IDO2: variants seen among roughly 807,000 people sequenced by gnomAD.
The protein encoded by IDO2 is indoleamine 2,3-dioxygenase-like 1 protein.
Under a neutral mutation model 45.1 loss-of-function variants are expected in IDO2, and 46 were observed. The observed-to-expected ratio is 1.02, with a 90% confidence interval of 0.80 to 1.30. The LOEUF (loss-of-function observed/expected upper bound fraction) is 1.30, where lower values mean the gene tolerates loss of function less well. Among genes scored for constraint, IDO2 ranks in the 50% most tolerant of loss-of-function variants. IDO2 has a pLI of 0.00. For synonymous variants in IDO2, 218 were observed against 184.9 expected (o/e 1.18, Z -1.45); for missense variants, 544 against 491.8 (o/e 1.11, Z -1.00).
Position 39,989,679 on chromosome 8 carries a change from AAGGG to A in IDO2, c.550-39_550-36del. ...GGCTTACTCTGCCTGCATGGACTTT[AAGGG>A]AGTGCTAATAAGTTGTGTACATGCA... On this transcript the variant is annotated intron_variant, in intron 7 of 10. Transcript: ENST00000502986. The A allele has an allele frequency of 2.9e-6, 4 of 1,360,194 alleles. No individual in the cohort carries two copies. The South Asian group carries it at 5.1e-5, about 17-fold the overall frequency. The allele number at this position is 1,360,194 out of a possible 1,614,324, so 84.3% of individuals were successfully genotyped here.
At chr8:39,960,597 C>T (rs144146148) in intron 2 of IDO2, among the ~76,000 whole-genome samples, 1,794 of 152,266 alleles carry the variant, frequency 0.012, 33 homozygotes, top group African/African-American at 0.04. Context: ...AACGTTTGAA[C>T]CCTGCTTCTA....
chr8:39,963,553 G>GA (rs1808031099), intron 2 of IDO2, 55 bp from the exon 3 acceptor site: 1 of 1,012,108 alleles, frequency 9.9e-7, no homozygotes, highest in South Asian at 1.5e-5. Flanking sequence ...GCTACTCTCG[G>GA]AAGCCCCTTT....
rs559195129 is a variant in IDO2, at chr8:39,965,553, T to C, written c.195+1850T>C. 9.9e-5 allele frequency among the ~76,000 whole-genome samples: 15 copies of C among 152,272 alleles called. No homozygotes were observed. The South Asian group carries it at 3.1e-3, about 32-fold the overall frequency. ...AAATACAAATTTTTACTGGGTTTAA[T>C]AGTGTCTTCCTAGAAGTCATGTTCA... On this transcript the variant is annotated intron_variant, in intron 3 of 10. Transcript: ENST00000502986.
At chr8:40,009,896 T>A (rs1236979914) in intron 9 of IDO2, among the ~76,000 whole-genome samples, 1 of 152,184 alleles carries the variant, frequency 6.6e-6, no homozygotes, top group East Asian at 1.9e-4. Flanking sequence ...ATATAATACA[T>A]ACTTGTAGGA....
chr8:40,013,966 A>G lies in IDO2; in HGVS notation c.868+253A>G, dbSNP rs73605152. ...GTTGCTCTGTTTCCAACTGTTCACT[A>G]TCACTTTGGTTTGGATCTTTAGACA... On this transcript the variant is annotated intron_variant, in intron 10 of 10. Transcript: ENST00000502986. 3.5e-3 allele frequency among the ~76,000 whole-genome samples: 540 copies of G among 152,264 alleles called. 3 individuals are homozygous for G. The highest frequency in any genetic ancestry group is 0.011 in the African/African-American group (474 of 41,566).
intron 8 of IDO2, among the ~76,000 whole-genome samples, chr8:39,999,229 T>C (rs1255823122): frequency 6.6e-6 from 1 of 151,810 alleles, no homozygotes; most frequent in Non-Finnish European, 1.5e-5. Context: ...ATCTGTCTAC[T>C]TTTTGGGTTG....
At chr8:39,946,125 T>C (rs1807724332) in intron 1 of IDO2, among the ~76,000 whole-genome samples, 1 of 152,208 alleles carries the variant, frequency 6.6e-6, no homozygotes, top group African/African-American at 2.4e-5. Flanking sequence ...GTCCTTGAGA[T>C]ATTTTGCAGA....
intron 3 of IDO2, among the ~76,000 whole-genome samples, chr8:39,973,181 A>C (rs1362846): frequency 0.51 from 76,919 of 152,004 alleles, 19,888 homozygotes; most frequent in Middle Eastern, 0.56. Context: ...AGAATTAATA[A>C]GTGCCACTGG....
At position 40,013,516 on chromosome 8, in the gene IDO2, C is replaced by T. The variant is rs758090683; in HGVS notation, c.720-49C>T. 30 of 1,540,702 alleles carry T rather than the reference C, an allele frequency of 1.9e-5. 1 individual carries two copies. In the South Asian group the frequency reaches 2.3e-4, roughly 12 times the overall value. ...TCAGTTTCCATGTCAGAAAATATAC[C>T]ATTACCTCCCTGCACCCCTTTCATC... On this transcript the variant is annotated intron_variant, in intron 9 of 10. Coordinates refer to ENST00000502986, the Ensembl canonical transcript of IDO2.
chr8:39,972,571 C>G (rs568566492), intron 3 of IDO2, among the ~76,000 whole-genome samples: 8 of 133,640 alleles, frequency 6.0e-5, no homozygotes, highest in Admixed American at 1.7e-4. Flanking sequence ...GATCTCGCCA[C>G]TGCACTCCAG....
intron 8 of IDO2, among the ~76,000 whole-genome samples, chr8:39,996,426 C>T (rs921193103): frequency 1.3e-5 from 2 of 152,200 alleles, no homozygotes; most frequent in East Asian, 1.9e-4. Context: ...CCAGTGGACA[C>T]GTGACTTGGG....
chr8:39,935,168 G>C lies in IDO2; in HGVS notation c.-68G>C. 1 of 1,611,396 alleles carries C rather than the reference G, an allele frequency of 6.2e-7. No homozygotes were observed. Among genetic ancestry groups the C allele is most frequent in the Non-Finnish European group, 8.5e-7 (1 of 1,177,530 alleles). ...AAAACCTTCTTAGGAAATGAAGCTT[G>C]ACACTTCACCCACCAGGCCACCACA... On this transcript the variant is annotated 5_prime_UTR_variant, in exon 1 of 11. The change abolishes the stop of an existing upstream ORF in the 5' untranslated region. Coordinates refer to ENST00000502986, the Ensembl canonical transcript of IDO2.
At chr8:39,941,911 C>A (rs1247579623) in intron 1 of IDO2, among the ~76,000 whole-genome samples, 2 of 151,944 alleles carry the variant, frequency 1.3e-5, no homozygotes, top group Admixed American at 6.6e-5. Context: ...ACAGCAAAAC[C>A]CCATCTCTAC....
intron 2 of IDO2, among the ~76,000 whole-genome samples, chr8:39,955,755 T>G (rs1458308249): frequency 6.6e-6 from 1 of 152,178 alleles, no homozygotes; most frequent in Non-Finnish European, 1.5e-5. Flanking sequence ...CAGCAAAACT[T>G]TGTTGCTATT....
intron 1 of IDO2, among the ~76,000 whole-genome samples, chr8:39,936,560 A>G (rs1268238367): frequency 6.6e-6 from 1 of 152,178 alleles, no homozygotes; most frequent in African/African-American, 2.4e-5. Context: ...GGATCCTCAC[A>G]CTGTTACCCC....
intron 1 of IDO2, among the ~76,000 whole-genome samples, chr8:39,942,032 A>G (rs1807650309): frequency 6.6e-6 from 1 of 152,186 alleles, no homozygotes; most frequent in African/African-American, 2.4e-5. Flanking sequence ...GGTGAAGGAT[A>G]CAGTAAGCTA....
At chr8:39,985,973 G>GCACC (rs1808415927) in intron 6 of IDO2, 1 of 154,164 alleles carries the variant, frequency 6.5e-6, no homozygotes, top group South Asian at 2.0e-4. Flanking sequence ...GAGATTACAG[G>GCACC]CACCCACCAC....
At chr8:39,978,438 C>A (rs937659402) in intron 3 of IDO2, among the ~76,000 whole-genome samples, 2 of 152,142 alleles carry the variant, frequency 1.3e-5, no homozygotes, top group Admixed American at 6.5e-5. Context: ...GGAGAAACTG[C>A]TGATACTTGT....
At chr8:39,944,216 G>A (rs1352331149) in intron 1 of IDO2, among the ~76,000 whole-genome samples, 5 of 152,104 alleles carry the variant, frequency 3.3e-5, no homozygotes, top group Non-Finnish European at 7.4e-5. Context: ...CAAAAAGGTA[G>A]GGTCTTCGGA....
Sources: gnomAD v4.1 joint callset for allele counts (sites outside exome capture counted in the v4.1 genomes callset) on GRCh38, gnomAD v4.1.1 for gene constraint, MANE v1.5 for transcripts, NCBI Gene and HGNC (gene_info 2026-07-23, HGNC 2026-07-21) for gene names.